PUM1: variants seen among roughly 807,000 people sequenced by gnomAD.
PUM1 encodes pumilio homolog 1.
Under a neutral mutation model 131.8 loss-of-function variants are expected in PUM1, and 13 were observed. The ratio of observed to expected loss-of-function variants is 0.10; its 90% CI spans 0.06 to 0.16. The LOEUF is 0.16. PUM1 is among the 10% of genes least tolerant of loss of function. The pLI, the probability that PUM1 is intolerant of heterozygous loss-of-function variation, is 1.00. For missense variants in PUM1, 961 were observed against 1,512.4 expected, an observed-to-expected ratio of 0.64 and a Z score of 6.05; for synonymous variants, 509 against 556.5, an observed-to-expected ratio of 0.91 and a Z score of 1.20.
chr1:31,014,089 C>T, intron 3 of PUM1, among the ~76,000 whole-genome samples: 1 of 151,786 alleles, frequency 6.6e-6, no homozygotes, highest in East Asian at 1.9e-4. Flanking sequence ...TAGCTTGAGT[C>T]TAGGAGTTAA....
chr1:31,058,580 T>C (rs182671621), intron 2 of PUM1, among the ~76,000 whole-genome samples: 1 of 150,746 alleles, frequency 6.6e-6, no homozygotes, highest in African/African-American at 2.4e-5. Flanking sequence ...GAGAATGGCA[T>C]GAACCTGGGA....
At chr1:30,967,888 T>C (rs897209199) in intron 11 of PUM1, among the ~76,000 whole-genome samples, 13 of 152,202 alleles carry the variant, frequency 8.5e-5, no homozygotes, top group African/African-American at 2.9e-4. Flanking sequence ...GATGTATCTA[T>C]ATAAACATGT....
intron 5 of PUM1, among the ~76,000 whole-genome samples, chr1:30,997,988 C>T (rs1570239024): frequency 6.6e-6 from 1 of 152,216 alleles, no homozygotes; most frequent in Non-Finnish European, 1.5e-5. Flanking sequence ...TTACCAATAT[C>T]GTACAGGCCA....
At chr1:31,015,586 C>T (rs1642784712) in intron 3 of PUM1, among the ~76,000 whole-genome samples, 1 of 151,998 alleles carries the variant, frequency 6.6e-6, no homozygotes, top group South Asian at 2.1e-4. Flanking sequence ...CGTGATCTGC[C>T]CACCTCGGCC....
chr1:31,013,487 G>T (rs1247129089), intron 3 of PUM1, among the ~76,000 whole-genome samples: 1 of 152,162 alleles, frequency 6.6e-6, no homozygotes, highest in African/African-American at 2.4e-5. Flanking sequence ...CTGCAGACGT[G>T]ATCAGTTTGA....
At chr1:31,065,510 A>C in intron 1 of PUM1, 106 bp downstream of exon 1, 1 of 1,309,050 alleles carries the variant, frequency 7.6e-7, no homozygotes, top group Admixed American at 3.3e-5. Flanking sequence ...GCTTTTCCAA[A>C]GCCCTTCTCA....
chr1:30,992,313 TC>T, intron 7 of PUM1, 76 bp downstream of exon 7: 1 of 1,540,410 alleles, frequency 6.5e-7, no homozygotes, highest in Non-Finnish European at 8.8e-7. Flanking sequence ...ACCTCCCCCA[TC>T]CCCCCATTCT....
At chr1:31,001,435 CTTAAT>C (rs1206027144) in intron 5 of PUM1, among the ~76,000 whole-genome samples, 1 of 152,080 alleles carries the variant, frequency 6.6e-6, no homozygotes, top group Admixed American at 6.5e-5. Flanking sequence ...TGAAATACTC[CTTAAT>C]TTAACATATT....
At chr1:30,966,392 A>G in intron 12 of PUM1, 114 bp from the exon 13 acceptor site, 1 of 1,032,020 alleles carries the variant, frequency 9.7e-7, no homozygotes, top group South Asian at 1.7e-5. Flanking sequence ...TTCAAAACAG[A>G]CACAAACCAT....
intron 16 of PUM1, among the ~76,000 whole-genome samples, chr1:30,951,704 TACA>T (rs959802844): frequency 4.6e-5 from 7 of 152,164 alleles, no homozygotes; most frequent in Admixed American, 3.9e-4. Context: ...AAGACAATGA[TACA>T]ACAAGTGAAC....
At chr1:30,947,547 C>G (rs1639731457) in intron 17 of PUM1, among the ~76,000 whole-genome samples, 1 of 152,124 alleles carries the variant, frequency 6.6e-6, no homozygotes, top group Admixed American at 6.5e-5. Flanking sequence ...GGAGCCCTTC[C>G]CCCAAACTCA....
intron 1 of PUM1, among the ~76,000 whole-genome samples, chr1:31,063,656 T>C (rs1312229445): frequency 1.3e-5 from 2 of 152,062 alleles, no homozygotes; most frequent in Non-Finnish European, 2.9e-5. Context: ...ACAAAGAATA[T>C]CCACATAAAA....
At chr1:30,951,359 A>G (rs1273313513) in intron 16 of PUM1, among the ~76,000 whole-genome samples, 1 of 152,258 alleles carries the variant, frequency 6.6e-6, no homozygotes, top group Admixed American at 6.5e-5. Flanking sequence ...AAAGCTGAAG[A>G]ATTCAGGGTG....
At chr1:30,951,022 A>C (rs1639913606) in intron 16 of PUM1, among the ~76,000 whole-genome samples, 1 of 152,252 alleles carries the variant, frequency 6.6e-6, no homozygotes, top group Admixed American at 6.5e-5. Flanking sequence ...GTGAGGCTAC[A>C]CAATGTTAAA....
chr1:31,022,090 AAC>A (rs1483424268), intron 3 of PUM1, among the ~76,000 whole-genome samples: 2 of 151,756 alleles, frequency 1.3e-5, no homozygotes, highest in Non-Finnish European at 2.9e-5. Flanking sequence ...AAAAAAAAAA[AAC>A]AGAATTTGAA....
intron 2 of PUM1, among the ~76,000 whole-genome samples, chr1:31,035,554 C>T (rs887340638): frequency 6.6e-6 from 1 of 151,952 alleles, no homozygotes; most frequent in Admixed American, 6.6e-5. Flanking sequence ...GAGGTCGAGA[C>T]CAGCCTGACC....
At chr1:31,057,335 C>G (rs552340519) in intron 2 of PUM1, among the ~76,000 whole-genome samples, 1 of 136,232 alleles carries the variant, frequency 7.3e-6, no homozygotes, top group Non-Finnish European at 1.5e-5. Context: ...CCAGGGAGAC[C>G]GTGGTTGCAG....
intron 10 of PUM1, among the ~76,000 whole-genome samples, chr1:30,970,328 C>T (rs1474077547): frequency 2.0e-5 from 3 of 152,146 alleles, no homozygotes; most frequent in Non-Finnish European, 4.4e-5. Flanking sequence ...CCAACACTGT[C>T]CACACTGGCA....
intron 2 of PUM1, among the ~76,000 whole-genome samples, chr1:31,035,055 T>A (rs1281202866): frequency 6.6e-6 from 1 of 152,224 alleles, no homozygotes; most frequent in Non-Finnish European, 1.5e-5. Context: ...ACACGATATA[T>A]CTGTATTAAT....
Sources: gnomAD v4.1 joint callset for allele counts (sites outside exome capture counted in the v4.1 genomes callset) on GRCh38, gnomAD v4.1.1 for gene constraint, MANE v1.5 for transcripts, NCBI Gene and HGNC (gene_info 2026-07-23, HGNC 2026-07-21) for gene names.